Variants in SLC44A3 observed in about 807,000 individuals in gnomAD.
SLC44A3 encodes choline transporter-like protein 3.
Under a neutral mutation model 75.4 loss-of-function variants are expected in SLC44A3, and 74 were observed. The ratio of observed to expected loss-of-function variants is 0.98; its 90% CI spans 0.81 to 1.19. The LOEUF is 1.19. Ranked by LOEUF, SLC44A3 falls within the 50% of genes most tolerant of loss-of-function variation. The pLI is 0.00. For missense variants in SLC44A3, 700 were observed against 778.6 expected, an observed-to-expected ratio of 0.90 and a Z score of 1.20; for synonymous variants, 310 against 296.9, an observed-to-expected ratio of 1.04 and a Z score of -0.45.
intron 8 of SLC44A3, among the ~76,000 whole-genome samples, chr1:94,842,689 G>T (rs2101066607): frequency 6.6e-6 from 1 of 152,362 alleles, no homozygotes; most frequent in South Asian, 2.1e-4. Flanking sequence ...CTCTCCAGGG[G>T]CCGTTAGGAA....
intron 14 of SLC44A3, 39 bp from the exon 15 acceptor site, chr1:94,894,779 A>G (rs1435542128): frequency 2.6e-6 from 4 of 1,544,988 alleles, no homozygotes; most frequent in Admixed American, 1.8e-5. Flanking sequence ...AACAGTACAG[A>G]CACATAATAC....
intron 12 of SLC44A3, among the ~76,000 whole-genome samples, chr1:94,875,008 G>A (rs1447207711): frequency 2.0e-5 from 3 of 152,132 alleles, no homozygotes; most frequent in South Asian, 2.1e-4. Flanking sequence ...TAGGCAAGTC[G>A]GCTTGTCAAT....
intron 13 of SLC44A3, 45 bp downstream of exon 13, chr1:94,891,312 T>C (rs779812157): frequency 6.4e-6 from 10 of 1,557,040 alleles, no homozygotes; most frequent in Non-Finnish European, 6.9e-6. Flanking sequence ...TTCTGAAAAT[T>C]AAGCCATACA....
intron 5 of SLC44A3, among the ~76,000 whole-genome samples, chr1:94,830,635 A>C (rs1392703614): frequency 2.0e-5 from 3 of 152,246 alleles, no homozygotes; most frequent in Non-Finnish European, 4.4e-5. Flanking sequence ...TTAAAAAAAA[A>C]CTAGAATGTT....
chr1:94,831,045 C>T (rs1246862168), intron 5 of SLC44A3, among the ~76,000 whole-genome samples: 1 of 152,138 alleles, frequency 6.6e-6, no homozygotes, highest in Non-Finnish European at 1.5e-5. Context: ...ACCCAAGCAG[C>T]GTCTATGTTT....
chr1:94,872,386 G>A (rs1044324939), intron 12 of SLC44A3, among the ~76,000 whole-genome samples: 13 of 151,904 alleles, frequency 8.6e-5, no homozygotes, highest in Non-Finnish European at 1.2e-4. Context: ...GTGAGCCACC[G>A]TGCCCGGCCT....
At chr1:94,865,190 C>T (rs527543368) in intron 11 of SLC44A3, among the ~76,000 whole-genome samples, 1 of 152,180 alleles carries the variant, frequency 6.6e-6, no homozygotes, top group South Asian at 2.1e-4. Flanking sequence ...TATGTAAATG[C>T]CAAACAGACG....
chr1:94,844,511 C>T (rs1664131430), intron 8 of SLC44A3, among the ~76,000 whole-genome samples: 1 of 152,178 alleles, frequency 6.6e-6, no homozygotes, highest in Non-Finnish European at 1.5e-5. Context: ...AAAGAAAGAT[C>T]ATGGAAGCCA....
intron 2 of SLC44A3, among the ~76,000 whole-genome samples, 190 bp from the exon 3 acceptor site, chr1:94,824,303 T>C (rs1234249294): frequency 2.0e-5 from 3 of 152,202 alleles, no homozygotes; most frequent in East Asian, 3.8e-4. Context: ...TACCTAAATG[T>C]ATAAGTAGCA....
At chr1:94,825,245 A>G (rs944668022) in intron 3 of SLC44A3, among the ~76,000 whole-genome samples, 1 of 152,216 alleles carries the variant, frequency 6.6e-6, no homozygotes, top group African/African-American at 2.4e-5. Flanking sequence ...CTGACCATGA[A>G]CTTCTAAGAT....
chr1:94,845,896 C>T (rs859108), intron 9 of SLC44A3, among the ~76,000 whole-genome samples: 33,861 of 152,024 alleles, frequency 0.22, 3,985 homozygotes, highest in African/African-American at 0.29. Flanking sequence ...TGCCTGTAAT[C>T]CCAGCACTTT....
Position 94,824,650 on chromosome 1 carries a change from AAGTCCCC to A in SLC44A3, c.278+20_278+26del, listed in dbSNP as rs1353489721. ...ACCCTAAAAAAGTAAGTATCTAAAT[AAGTCCCC>A]AGTCTGTAAGGAACTGTACCTCAAA... is the stretch of plus-strand genomic sequence containing the variant. On this transcript the variant is annotated intron_variant, in intron 3 of 14. Transcript: ENST00000271227. 3 of 1,559,154 alleles carry A rather than the reference AAGTCCCC, an allele frequency of 1.9e-6. No individual in the cohort carries two copies. Among genetic ancestry groups the A allele is most frequent in the Non-Finnish European group, 2.6e-6 (3 of 1,157,728 alleles).
Position 94,824,598 on chromosome 1 carries a change from G to T in SLC44A3, c.241G>T (p.Gly81Trp). Reference protein sequence around the residue: ...MCGKKNSPVEGAPLSGQDMTL... With the variant: ...MCGKKNSPVEWAPLSGQDMTL... Reference sequence around the variant, plus strand: ...TGGCAAGAAGAACTCCCCCGTGGAAGGGGCCCCTCTTTCAGGGCAGGACAT... The same window carrying T: ...TGGCAAGAAGAACTCCCCCGTGGAATGGGCCCCTCTTTCAGGGCAGGACAT... Residue 81 changes from glycine (G) to tryptophan (W), a missense_variant, in exon 3 of 15, where the codon GGG becomes TGG. Coordinates refer to ENST00000271227, the MANE Select transcript of SLC44A3 (RefSeq NM_001114106.3). The T allele has an allele frequency of 6.2e-7, 1 of 1,608,772 alleles. No homozygotes were observed. The highest frequency in any genetic ancestry group is 1.7e-4 in the Middle Eastern group (1 of 5,980).
At chr1:94,822,856 A>G (rs946002299) in intron 2 of SLC44A3, among the ~76,000 whole-genome samples, 2 of 152,198 alleles carry the variant, frequency 1.3e-5, no homozygotes, top group Non-Finnish European at 2.9e-5. Context: ...ATCACCTGTC[A>G]TATAGAATCG....
chr1:94,875,637 G>GAC (rs1557874162), intron 12 of SLC44A3, among the ~76,000 whole-genome samples: 7 of 152,088 alleles, frequency 4.6e-5, no homozygotes, highest in Non-Finnish European at 1.0e-4. Flanking sequence ...TATGGAGGAG[G>GAC]CCATGCTCAT....
chr1:94,840,597 T>A (rs1663493651), intron 7 of SLC44A3, among the ~76,000 whole-genome samples: 1 of 152,196 alleles, frequency 6.6e-6, no homozygotes. Flanking sequence ...GCCATATCTG[T>A]AGTTTCTTCT....
At chr1:94,835,077 A>T (rs1003677997) in intron 5 of SLC44A3, among the ~76,000 whole-genome samples, 1 of 152,218 alleles carries the variant, frequency 6.6e-6, no homozygotes, top group Non-Finnish European at 1.5e-5. Context: ...AAATTCTACA[A>T]ATTAAGGGAC....
intron 9 of SLC44A3, among the ~76,000 whole-genome samples, chr1:94,851,656 G>C (rs541335987): frequency 6.6e-6 from 1 of 152,184 alleles, no homozygotes; most frequent in African/African-American, 2.4e-5. Context: ...ATTGCAGGCT[G>C]CCTGTCAATG....
At chr1:94,828,030 CA>C (rs1661610030) in intron 4 of SLC44A3, among the ~76,000 whole-genome samples, 2 of 152,170 alleles carry the variant, frequency 1.3e-5, no homozygotes, top group Admixed American at 6.5e-5. Context: ...GAATTGCTGA[CA>C]AATTGGTCTT....
Sources: allele counts gnomAD v4.1 joint callset (sites outside exome capture counted in the v4.1 genomes callset), GRCh38; gene constraint gnomAD v4.1.1; transcripts MANE v1.5; gene names NCBI Gene and HGNC (gene_info 2026-07-23, HGNC 2026-07-21).